The following PLBD1 variants were observed in gnomAD, a reference collection of about 807,000 sequenced individuals.
PLBD1 encodes lysosomal leucine aminopeptidase.
PLBD1 carries 60 observed loss-of-function variants against 63.0 expected under a neutral mutation model. The observed-to-expected ratio is 0.95, with a 90% CI of 0.77 to 1.18. The LOEUF (loss-of-function observed/expected upper bound fraction) is 1.18, where lower values mean the gene tolerates loss of function less well. Ranked by LOEUF, PLBD1 falls within the 50% of genes most tolerant of loss-of-function variation. The probability of loss-of-function intolerance (pLI) is 0.00; values close to 1 mark genes in which losing one functional copy is unlikely to be tolerated. For synonymous variants in PLBD1, 262 were observed against 248.0 expected (o/e 1.06, Z -0.53); for missense variants, 598 against 677.9 (o/e 0.88, Z 1.31).
At chr12:14,542,661 T>G (rs1945583900) in intron 2 of PLBD1, among the ~76,000 whole-genome samples, 1 of 152,364 alleles carries the variant, frequency 6.6e-6, no homozygotes, top group African/African-American at 2.4e-5. Flanking sequence ...TGAATCTGAT[T>G]ATTCCCATGC....
intron 6 of PLBD1, among the ~76,000 whole-genome samples, chr12:14,514,151 T>C (rs1445608156): frequency 2.6e-5 from 4 of 152,094 alleles, no homozygotes; most frequent in East Asian, 1.9e-4. Context: ...TTAGAGAAAG[T>C]TGCACATTCC....
intron 1 of PLBD1, among the ~76,000 whole-genome samples, chr12:14,559,657 A>G (rs1041024364): frequency 1.3e-5 from 2 of 152,192 alleles, no homozygotes; most frequent in African/African-American, 4.8e-5. Flanking sequence ...ACATTTTAAC[A>G]GCAATATCCT....
rs546578493 is a variant in PLBD1, at chr12:14,506,273, G to T, written c.1373-5C>A. ...TGTAAGGATCCTTCTTATAATCTAG[G>T]AAACAGAAATGGGGAAGAGAGTGAT... is the stretch of plus-strand genomic sequence containing the variant. On this transcript the variant is annotated splice_region_variant and splice_polypyrimidine_tract_variant and intron_variant, in intron 9 of 10. Coordinates refer to ENST00000240617, the MANE Select transcript of PLBD1 (RefSeq NM_024829.6). 1.7e-5 allele frequency: 27 copies of T among 1,582,882 alleles called. No individual in the cohort carries two copies. The South Asian group carries it at 2.9e-4, about 17-fold the overall frequency.
chr12:14,535,943 A>G lies in PLBD1; in HGVS notation c.700-140T>C, dbSNP rs1323264542. The stretch of plus-strand genomic sequence containing the variant: ...TACTGATTATTGGAAAATATGGCCA[A>G]GGAGTCAAGATTAACCTTTAATGTG... On this transcript the variant is annotated intron_variant, in intron 5 of 10. Transcript: ENST00000240617. 3.7e-6 allele frequency: 3 copies of G among 814,738 alleles called. No homozygotes were observed. The Admixed American group carries it at 8.6e-5, about 23-fold the overall frequency. 50.5% of individuals were successfully genotyped at this position (814,738 alleles called of 1,614,324 possible). A position where few individuals can be genotyped will look rare whatever the true frequency, so the allele number is the denominator to read the frequency against.
intron 6 of PLBD1, among the ~76,000 whole-genome samples, chr12:14,518,721 T>G (rs1412125755): frequency 6.6e-6 from 1 of 152,192 alleles, no homozygotes; most frequent in Non-Finnish European, 1.5e-5. Context: ...TCCATAAATA[T>G]TTATTCAATG....
intron 6 of PLBD1, among the ~76,000 whole-genome samples, 190 bp from the exon 7 acceptor site, chr12:14,511,901 G>A (rs868288908): frequency 2.0e-5 from 3 of 152,132 alleles, no homozygotes; most frequent in Non-Finnish European, 2.9e-5. Flanking sequence ...CCTTATAGAG[G>A]TGCCAAAAGA....
chr12:14,549,829 G>C (rs1250676010), intron 2 of PLBD1, among the ~76,000 whole-genome samples: 35 of 152,028 alleles, frequency 2.3e-4, no homozygotes, highest in Admixed American at 2.3e-3. Context: ...CACCATGCCA[G>C]TCTAATTTTT....
chr12:14,545,785 C>A (rs921788289), intron 2 of PLBD1, among the ~76,000 whole-genome samples: 2 of 151,792 alleles, frequency 1.3e-5, no homozygotes, highest in African/African-American at 4.8e-5. Flanking sequence ...TTTTATGGTC[C>A]TGGAATTTAA....
At chr12:14,565,835 C>T (rs1010006023) in intron 1 of PLBD1, among the ~76,000 whole-genome samples, 1 of 152,114 alleles carries the variant, frequency 6.6e-6, no homozygotes, top group Non-Finnish European at 1.5e-5. Flanking sequence ...AAGTAAGAAT[C>T]CTTTCCAGAT....
intron 8 of PLBD1, 97 bp downstream of exon 8, chr12:14,511,135 ATCCCCATCCTGTCTTCCCCACCATACCC>A: frequency 1.0e-6 from 1 of 986,250 alleles, no homozygotes; most frequent in Non-Finnish European, 1.5e-6. Context: ...GTAATATAGC[ATCCCCATCCTGTCTTCCCCACCATACCC>A]TCCCCCACCA....
At chr12:14,561,638 TC>T (rs1400427742) in intron 1 of PLBD1, among the ~76,000 whole-genome samples, 3 of 152,184 alleles carry the variant, frequency 2.0e-5, no homozygotes, top group Non-Finnish European at 2.9e-5. Context: ...CACCGCAACC[TC>T]CGCATCCCGG....
chr12:14,527,820 A>AG (rs1945428043), intron 6 of PLBD1, among the ~76,000 whole-genome samples: 1 of 151,660 alleles, frequency 6.6e-6, no homozygotes, highest in African/African-American at 2.4e-5. Context: ...AAATGACAAA[A>AG]AAAAAAGAAA....
intron 2 of PLBD1, 121 bp from the exon 3 acceptor site, chr12:14,542,412 CT>C (rs549205630): frequency 1.1e-4 from 71 of 655,058 alleles, no homozygotes; most frequent in East Asian, 5.5e-4. Context: ...TGCCTACTAT[CT>C]TTTTTTTCCT....
chr12:14,565,469 T>C (rs889980876), intron 1 of PLBD1, among the ~76,000 whole-genome samples: 2 of 141,700 alleles, frequency 1.4e-5, no homozygotes, highest in East Asian at 2.0e-4. Flanking sequence ...TAGGAAATAA[T>C]AGTAAAAAAA....
rs146546502 is a variant in PLBD1, at chr12:14,513,016, T to G, written c.845-1305A>C. On this transcript the variant is annotated intron_variant, in intron 6 of 10. Coordinates refer to ENST00000240617, the MANE Select transcript of PLBD1 (RefSeq NM_024829.6). Reference sequence around the variant, plus strand: ...AGGTGTTTTGTCATAGTAGTCAGAATGGACTGAGATGGTCTCAAATTTCTA... The same window carrying G: ...AGGTGTTTTGTCATAGTAGTCAGAAGGGACTGAGATGGTCTCAAATTTCTA... Among the ~76,000 whole-genome samples the G allele has an allele frequency of 3.0e-3, 461 of 152,332 alleles. 2 individuals carry two copies. The highest frequency in any genetic ancestry group is 0.011 in the African/African-American group (449 of 41,576).
intron 6 of PLBD1, among the ~76,000 whole-genome samples, chr12:14,526,896 C>G (rs1455956126): frequency 1.3e-5 from 2 of 152,104 alleles, no homozygotes; most frequent in Non-Finnish European, 2.9e-5. Context: ...CACTTGAACC[C>G]GGGAGGTGGA....
At chr12:14,565,360 G>A (rs573215706) in intron 1 of PLBD1, among the ~76,000 whole-genome samples, 11 of 152,004 alleles carry the variant, frequency 7.2e-5, no homozygotes, top group African/African-American at 2.7e-4. Flanking sequence ...CAGCTACTCG[G>A]GAGGCTGAGT....
At chr12:14,515,470 G>A (rs1018897640) in intron 6 of PLBD1, among the ~76,000 whole-genome samples, 4 of 151,472 alleles carry the variant, frequency 2.6e-5, no homozygotes, top group African/African-American at 4.9e-5. Context: ...ATACGTGCCC[G>A]TATTCTGCTA....
chr12:14,503,693 A>G lies in PLBD1; in HGVS notation c.*79T>C. On this transcript the variant is annotated 3_prime_UTR_variant, in exon 11 of 11. Coordinates refer to ENST00000240617, the MANE Select transcript of PLBD1 (RefSeq NM_024829.6). ...GACAAATTAATATATTTTATTGCATAATTCTGATGGGAAAAACATAGCTAA... is the reference window on the plus strand; with the variant it reads ...GACAAATTAATATATTTTATTGCATGATTCTGATGGGAAAAACATAGCTAA... The G allele has an allele frequency of 7.5e-7, 1 of 1,339,502 alleles. No homozygotes were observed. The highest frequency in any genetic ancestry group is 1.0e-6 in the Non-Finnish European group (1 of 967,522). The allele number at this position is 1,339,502 out of a possible 1,614,324, so 83.0% of individuals were successfully genotyped here.
Sources: allele counts gnomAD v4.1 joint callset (sites outside exome capture counted in the v4.1 genomes callset), GRCh38; gene constraint gnomAD v4.1.1; transcripts MANE v1.5; gene names NCBI Gene and HGNC (gene_info 2026-07-23, HGNC 2026-07-21).